STRN3: variants seen among roughly 807,000 people sequenced by gnomAD.
The protein encoded by STRN3 is striatin 3, also known as striatin-3.
A neutral mutation model predicts 95.6 loss-of-function variants in STRN3; 29 were observed. The ratio of observed to expected loss-of-function variants is 0.30; its 90% CI spans 0.23 to 0.41. The LOEUF (loss-of-function observed/expected upper bound fraction) is 0.41. Ranked by LOEUF, STRN3 falls within the 10% of genes least tolerant of loss-of-function variation. STRN3 has a pLI of 1.00. For synonymous variants in STRN3, 331 were observed against 357.6 expected (o/e 0.93, Z 0.84); for missense variants, 890 against 972.1 (o/e 0.92, Z 1.12).
intron 1 of STRN3, among the ~76,000 whole-genome samples, chr14:30,995,465 T>G (rs1882155014): frequency 6.6e-6 from 1 of 152,188 alleles, no homozygotes; most frequent in South Asian, 2.1e-4. Context: ...GCTTCCTCAT[T>G]TGTCAAATGA....
rs34255465 is a variant in STRN3, at chr14:30,894,893, CTTTTTTT to C, written c.*511_*517del. 4 of 708,566 alleles carry C rather than the reference CTTTTTTT, an allele frequency of 5.6e-6. No homozygotes were observed. The African/African-American group carries it at 8.5e-5, about 15-fold the overall frequency. The allele number at this position is 708,566 out of a possible 1,614,324, so 43.9% of individuals were successfully genotyped here. A position where few individuals can be genotyped will look rare whatever the true frequency, so the allele number is the denominator to read the frequency against. On this transcript the variant is annotated 3_prime_UTR_variant, in exon 18 of 18. Transcript: ENST00000357479. ...ATATTTTAAGTTAAATTTTCTTTTT[CTTTTTTT>C]TTTTTTTTAAAGCAAAATAAGTTTA...
intron 1 of STRN3, 24 bp downstream of exon 1, chr14:31,025,880 C>T (rs375051003): frequency 5.7e-6 from 9 of 1,590,690 alleles, no homozygotes; most frequent in South Asian, 1.1e-5. Context: ...CCGCAGCTCC[C>T]GCACACCGAC....
chr14:31,016,390 G>C (rs6571381), intron 1 of STRN3, among the ~76,000 whole-genome samples: 28,805 of 151,986 alleles, frequency 0.19, 3,247 homozygotes, highest in Non-Finnish European at 0.26. Context: ...TCAACCCATA[G>C]AAAAGACAAG....
At chr14:30,899,102 C>A (rs977543415) in intron 16 of STRN3, among the ~76,000 whole-genome samples, 2 of 152,216 alleles carry the variant, frequency 1.3e-5, no homozygotes, top group Non-Finnish European at 2.9e-5. Context: ...GAGGACAGGA[C>A]ATTTTATTCT....
intron 1 of STRN3, among the ~76,000 whole-genome samples, chr14:30,984,421 A>C (rs1881578616): frequency 6.6e-6 from 1 of 151,894 alleles, no homozygotes; most frequent in Admixed American, 6.6e-5. Flanking sequence ...CTTTGCTGTT[A>C]GTTAAGCCAC....
At chr14:30,910,232 G>A (rs1432118728) in intron 13 of STRN3, among the ~76,000 whole-genome samples, 1 of 152,174 alleles carries the variant, frequency 6.6e-6, no homozygotes, top group African/African-American at 2.4e-5. Flanking sequence ...CTCTTCTAGA[G>A]AAGGTTCTGC....
At chr14:30,996,461 T>A (rs1033839890) in intron 1 of STRN3, among the ~76,000 whole-genome samples, 35 of 152,340 alleles carry the variant, frequency 2.3e-4, no homozygotes, top group African/African-American at 7.9e-4. Context: ...CATTTCATAG[T>A]CTTTTTTGTT....
chr14:30,990,152 T>C (rs1881883746), intron 1 of STRN3, among the ~76,000 whole-genome samples: 1 of 150,768 alleles, frequency 6.6e-6, no homozygotes, highest in African/African-American at 2.5e-5. Flanking sequence ...AGCAGTCTTC[T>C]GAGGGCACTA....
rs1950759606 is a variant in STRN3 at position 30,893,885 on chromosome 14, C to G, written c.*1526G>C. The G allele has an allele frequency of 6.6e-6, 1 of 152,520 alleles. No homozygotes were observed. The highest frequency in any genetic ancestry group is 1.5e-5 in the Non-Finnish European group (1 of 67,990). 9.4% of individuals were successfully genotyped at this position (152,520 alleles called of 1,614,324 possible). Reference sequence around the variant, plus strand: ...AAATGATGTAGCCAACAGTAACATACAGGTACACAATTTAATATTTATTAT... The same window carrying G: ...AAATGATGTAGCCAACAGTAACATAGAGGTACACAATTTAATATTTATTAT... On this transcript the variant is annotated 3_prime_UTR_variant, in exon 18 of 18. Coordinates refer to ENST00000357479, the MANE Select transcript of STRN3 (RefSeq NM_001083893.2).
At chr14:30,943,351 G>C (rs1191596571) in intron 5 of STRN3, among the ~76,000 whole-genome samples, 1 of 152,196 alleles carries the variant, frequency 6.6e-6, no homozygotes, top group Non-Finnish European at 1.5e-5. Flanking sequence ...AGGAGGCTGA[G>C]GCAGGAAGTT....
intron 1 of STRN3, among the ~76,000 whole-genome samples, chr14:31,000,939 A>G (rs932990324): frequency 1.3e-5 from 2 of 152,180 alleles, no homozygotes; most frequent in African/African-American, 4.8e-5. Context: ...GTGCACATAT[A>G]CAATCTGTAG....
intron 1 of STRN3, among the ~76,000 whole-genome samples, chr14:30,959,815 T>C (rs760893494): frequency 4.6e-5 from 7 of 150,544 alleles, no homozygotes; most frequent in Non-Finnish European, 1.0e-4. Flanking sequence ...CAGATAAAAG[T>C]AACTAGGAAA....
chr14:30,991,613 G>T (rs1881957646), intron 1 of STRN3, among the ~76,000 whole-genome samples: 1 of 152,176 alleles, frequency 6.6e-6, no homozygotes, highest in Non-Finnish European at 1.5e-5. Context: ...AGAGGAAACA[G>T]TATGTGTGAA....
At chr14:31,000,845 A>AG (rs950572807) in intron 1 of STRN3, among the ~76,000 whole-genome samples, 3 of 152,030 alleles carry the variant, frequency 2.0e-5, no homozygotes, top group Non-Finnish European at 2.9e-5. Flanking sequence ...CGATGAAGAA[A>AG]AAAAAAAACA....
intron 16 of STRN3, among the ~76,000 whole-genome samples, chr14:30,900,447 G>GT (rs1432505821): frequency 1.3e-5 from 2 of 148,540 alleles, no homozygotes; most frequent in Non-Finnish European, 3.0e-5. Flanking sequence ...GTGGGGCGGG[G>GT]GGGGGCGGTG....
intron 1 of STRN3, among the ~76,000 whole-genome samples, chr14:31,006,137 GAAAC>G (rs1289019988): frequency 1.6e-4 from 22 of 133,764 alleles, no homozygotes; most frequent in Admixed American, 3.8e-4. Context: ...AAAAAAAAAA[GAAAC>G]AAACAAACAA....
chr14:31,001,598 T>C (rs1414762326), intron 1 of STRN3, among the ~76,000 whole-genome samples: 1 of 150,240 alleles, frequency 6.7e-6, no homozygotes, highest in Non-Finnish European at 1.5e-5. Context: ...CCACATCAGA[T>C]AGAAAGCACT....
rs528354376 is a variant in STRN3 at position 30,963,793 on chromosome 14, A to G, written c.283-7551T>C. Among the ~76,000 whole-genome samples the G allele has an allele frequency of 4.6e-5, 7 of 152,358 alleles. No individual in the cohort carries two copies. In the South Asian group the frequency reaches 1.5e-3, roughly 32 times the overall value. ...TCAAGTTAGAAATCAATAACAAAAG[A>G]AAACTGGAAATTCACAAATTTATGG... On this transcript the variant is annotated intron_variant, in intron 1 of 17. Coordinates refer to ENST00000357479, the MANE Select transcript of STRN3 (RefSeq NM_001083893.2).
chr14:30,970,071 T>C (rs1468622615), intron 1 of STRN3, among the ~76,000 whole-genome samples: 2 of 152,234 alleles, frequency 1.3e-5, no homozygotes, highest in African/African-American at 4.8e-5. Flanking sequence ...TTTTCATCTA[T>C]TCTATTACTC....
Sources: gnomAD v4.1 joint callset for allele counts (sites outside exome capture counted in the v4.1 genomes callset) on GRCh38, gnomAD v4.1.1 for gene constraint, MANE v1.5 for transcripts, NCBI Gene and HGNC (gene_info 2026-07-23, HGNC 2026-07-21) for gene names.